Variants in EVI5 observed in about 807,000 individuals in gnomAD.
EVI5 encodes the protein ecotropic viral integration site 5 protein homolog.
EVI5 carries 73 observed loss-of-function variants against 112.0 expected under a neutral mutation model. That is an observed-to-expected ratio of 0.65 (90% CI 0.54 to 0.79). The LOEUF is 0.79. EVI5 is among the 30% of genes least tolerant of loss of function. EVI5 has a pLI of 0.00. For missense variants in EVI5, 900 were observed against 968.8 expected, an observed-to-expected ratio of 0.93 and a Z score of 0.94; for synonymous variants, 305 against 319.9, an observed-to-expected ratio of 0.95 and a Z score of 0.50.
At chr1:92,711,542 C>G (rs1385322158) in intron 2 of EVI5, among the ~76,000 whole-genome samples, 1 of 152,140 alleles carries the variant, frequency 6.6e-6, no homozygotes, top group Non-Finnish European at 1.5e-5. Flanking sequence ...GTAGTCCCAG[C>G]TACTTGGAAG....
At chr1:92,773,255 G>C (rs1683683214) in intron 1 of EVI5, among the ~76,000 whole-genome samples, 1 of 150,490 alleles carries the variant, frequency 6.6e-6, no homozygotes, top group South Asian at 2.1e-4. Context: ...ATAGGAGATA[G>C]GACAAATAAA....
intron 19 of EVI5, among the ~76,000 whole-genome samples, chr1:92,520,423 C>T (rs1393847421): frequency 2.6e-5 from 4 of 151,956 alleles, no homozygotes; most frequent in Non-Finnish European, 5.9e-5. Context: ...TGATGTAGAT[C>T]CTGTAAATTA....
At chr1:92,788,395 A>AC (rs1264133712), upstream of EVI5, among the ~76,000 whole-genome samples, 1 of 151,618 alleles carries the variant, frequency 6.6e-6, no homozygotes, top group Non-Finnish European at 1.5e-5. Context: ...AATCACTTGA[A>AC]CCCGGGGGGC....
intron 19 of EVI5, among the ~76,000 whole-genome samples, chr1:92,536,450 C>T (rs1663911671): frequency 6.6e-6 from 1 of 152,056 alleles, no homozygotes; most frequent in Non-Finnish European, 1.5e-5. Context: ...AGTAAAAATT[C>T]AAACACTAAA....
At chr1:92,591,593 C>T (rs1015770250) in intron 18 of EVI5, among the ~76,000 whole-genome samples, 7 of 152,064 alleles carry the variant, frequency 4.6e-5, no homozygotes, top group African/African-American at 1.7e-4. Flanking sequence ...CCAATACAGG[C>T]GCACCCAGAT....
chr1:92,732,305 G>A, intron 2 of EVI5: 1 of 396,084 alleles, frequency 2.5e-6, no homozygotes, highest in South Asian at 2.2e-5. Context: ...TGAAAAACTG[G>A]AAATCCCAAA....
intron 18 of EVI5, among the ~76,000 whole-genome samples, chr1:92,579,080 A>G (rs1671538692): frequency 6.6e-6 from 1 of 152,162 alleles, no homozygotes; most frequent in Admixed American, 6.5e-5. Flanking sequence ...TTGTTTTTCT[A>G]AAAATGCAGT....
intron 18 of EVI5, among the ~76,000 whole-genome samples, chr1:92,569,482 CATATT>C (rs1435801059): frequency 6.6e-6 from 1 of 152,136 alleles, no homozygotes; most frequent in Non-Finnish European, 1.5e-5. Context: ...GCTAATGACT[CATATT>C]AAACACACAA....
At chr1:92,735,489 C>T (rs1340198813) in intron 2 of EVI5, among the ~76,000 whole-genome samples, 2 of 151,348 alleles carry the variant, frequency 1.3e-5, no homozygotes, top group African/African-American at 4.9e-5. Flanking sequence ...AACAATACAT[C>T]AAAAAACCTG....
chr1:92,635,137 T>C (rs1168716073), intron 14 of EVI5, among the ~76,000 whole-genome samples: 1 of 152,194 alleles, frequency 6.6e-6, no homozygotes, highest in Admixed American at 6.5e-5. Flanking sequence ...AGGGCCCCAC[T>C]TGAGGAGGCA....
intron 9 of EVI5, among the ~76,000 whole-genome samples, chr1:92,686,526 T>G (rs925905912): frequency 3.3e-5 from 5 of 152,160 alleles, no homozygotes; most frequent in Non-Finnish European, 5.9e-5. Context: ...TTCAACATAG[T>G]GTTGGAAGTT....
chr1:92,595,772 G>A (rs1647638914), intron 18 of EVI5, among the ~76,000 whole-genome samples: 1 of 152,114 alleles, frequency 6.6e-6, no homozygotes, highest in African/African-American at 2.4e-5. Flanking sequence ...TACAAGGAGG[G>A]CCAGAGTTTG....
intron 1 of EVI5, among the ~76,000 whole-genome samples, chr1:92,778,290 A>C (rs1684416414): frequency 6.6e-6 from 1 of 152,132 alleles, no homozygotes; most frequent in South Asian, 2.1e-4. Flanking sequence ...AGGCTCAGGA[A>C]CTGCCAGAAC....
At chr1:92,666,264 C>T (rs79696545) in intron 10 of EVI5, among the ~76,000 whole-genome samples, 171 of 151,634 alleles carry the variant, frequency 1.1e-3, no homozygotes, top group African/African-American at 3.9e-3. Context: ...GGCAACATGG[C>T]GAAACCTCGT....
intron 1 of EVI5, among the ~76,000 whole-genome samples, chr1:92,781,001 G>A (rs1056590453): frequency 1.5e-4 from 23 of 151,836 alleles, no homozygotes; most frequent in Admixed American, 7.2e-4. Context: ...ACAGGCACCC[G>A]CCACCACGCC....
chr1:92,662,231 GGAAGTCTAA>G (rs1447394050), intron 13 of EVI5, among the ~76,000 whole-genome samples: 1 of 152,066 alleles, frequency 6.6e-6, no homozygotes, highest in African/African-American at 2.4e-5. Flanking sequence ...TCTTGATGTA[GGAAGTCTAA>G]GCAATAGTAT....
At chr1:92,648,302 G>A (rs922917132) in intron 13 of EVI5, among the ~76,000 whole-genome samples, 1 of 149,776 alleles carries the variant, frequency 6.7e-6, no homozygotes, top group African/African-American at 2.4e-5. Context: ...GAACCCGGGA[G>A]GCGGAGCTTG....
At chr1:92,625,518 C>G (rs1193526151) in intron 15 of EVI5, among the ~76,000 whole-genome samples, 1 of 152,170 alleles carries the variant, frequency 6.6e-6, no homozygotes, top group Non-Finnish European at 1.5e-5. Flanking sequence ...AGAACACTTT[C>G]ACAGTTTGCA....
At chr1:92,650,166 T>C (rs1311235943) in intron 13 of EVI5, among the ~76,000 whole-genome samples, 1 of 152,236 alleles carries the variant, frequency 6.6e-6, no homozygotes, top group Non-Finnish European at 1.5e-5. Flanking sequence ...TCAAGGCCAC[T>C]TGCAATTCCA....
Sources: gnomAD v4.1 joint callset for allele counts (sites outside exome capture counted in the v4.1 genomes callset) on GRCh38, gnomAD v4.1.1 for gene constraint, MANE v1.5 for transcripts, NCBI Gene and HGNC (gene_info 2026-07-23, HGNC 2026-07-21) for gene names.